The following P2RX5 variants were observed in gnomAD, a reference collection of about 807,000 sequenced individuals.
P2RX5 encodes the protein P2X purinoceptor 5.
Under a neutral mutation model 54.1 loss-of-function variants are expected in P2RX5, and 46 were observed. The observed-to-expected ratio is 0.85, with a 90% CI of 0.67 to 1.09. P2RX5 has a LOEUF of 1.09. Among genes scored for constraint, P2RX5 ranks in the 50% least tolerant of loss-of-function variants. P2RX5 has a pLI of 0.00. For missense variants in P2RX5, 566 were observed against 549.8 expected (o/e 1.03, Z -0.29); for synonymous variants, 226 against 226.4 (o/e 1.00, Z 0.02).
At chr17:3,688,185 G>T in intron 8 of P2RX5, 80 bp from the exon 9 acceptor site, 1 of 769,278 alleles carries the variant, frequency 1.3e-6, no homozygotes. Flanking sequence ...GCTGCTCTGG[G>T]GACTTAGAAG....
At chr17:3,679,059 G>T (rs2050167906) in intron 11 of P2RX5, among the ~76,000 whole-genome samples, 1 of 152,230 alleles carries the variant, frequency 6.6e-6, no homozygotes, top group African/African-American at 2.4e-5. Context: ...AAGAGGGGCT[G>T]AGGGGGGGTC....
chr17:3,712,558 A>G, the P2RX5 span, among the ~76,000 whole-genome samples: 2 of 152,248 alleles, frequency 1.3e-5, no homozygotes, highest in Non-Finnish European at 2.9e-5. Flanking sequence ...GGTAGCCAAA[A>G]GTAGAAATAT....
At chr17:3,689,400 C>A (rs542483612) in intron 7 of P2RX5, 92 bp downstream of exon 7, 1 of 1,473,244 alleles carries the variant, frequency 6.8e-7, no homozygotes, top group East Asian at 2.3e-5. Flanking sequence ...CACCCTCGCC[C>A]CACGAGTCCC....
chr17:3,720,578 A>C, the P2RX5 span: 2 of 436,624 alleles, frequency 4.6e-6, no homozygotes, highest in South Asian at 3.3e-5. Flanking sequence ...GTTATTCTTC[A>C]ACTTCCTTTT....
intron 11 of P2RX5, among the ~76,000 whole-genome samples, chr17:3,678,657 C>A (rs1322355070): frequency 6.6e-6 from 1 of 152,240 alleles, no homozygotes; most frequent in Non-Finnish European, 1.5e-5. Context: ...GCCCAGCTCC[C>A]AGCTGAACGC....
At chr17:3,720,581 T>G in the P2RX5 span, 1 of 407,714 alleles carries the variant, frequency 2.5e-6, no homozygotes, top group African/African-American at 3.1e-5. Context: ...ATTCTTCAAC[T>G]TCCTTTTTTT....
In P2RX5 at chr17:3,682,350, C is replaced by T. The variant is rs181122169; in HGVS notation, c.982-372G>A. The T allele has an allele frequency of 2.7e-3, 972 of 360,100 alleles. 4 individuals are homozygous for T. The highest frequency in any genetic ancestry group is 4.4e-3 in the Non-Finnish European group (822 of 185,010). The allele number at this position is 360,100 out of a possible 1,614,324, so 22.3% of individuals were successfully genotyped here. A position where few individuals can be genotyped will look rare whatever the true frequency, so the allele number is the denominator to read the frequency against. Reference sequence around the variant, plus strand: ...CCTCCTGGGGACTCTCCCTCTGGTGCAGGAGACAGGCGTGTCGATGACGAC... The same window carrying T: ...CCTCCTGGGGACTCTCCCTCTGGTGTAGGAGACAGGCGTGTCGATGACGAC... On this transcript the variant is annotated intron_variant, in intron 9 of 11. Transcript: ENST00000225328.
chr17:3,699,898 G>A (rs1327230936), upstream of P2RX5, among the ~76,000 whole-genome samples: 142 of 32,636 alleles, frequency 4.4e-3, 5 homozygotes, highest in Middle Eastern at 0.021. Flanking sequence ...AGGAAGGAAG[G>A]AAGGAAGGAA....
chr17:3,719,525 T>C, the P2RX5 span, among the ~76,000 whole-genome samples: 1 of 152,162 alleles, frequency 6.6e-6, no homozygotes, highest in Admixed American at 6.6e-5. Flanking sequence ...AAGCATTCAG[T>C]CCACAAATCA....
In P2RX5 at chr17:3,690,065, C is replaced by T. The variant is rs368418642; in HGVS notation, c.614+5G>A. 3.0e-5 allele frequency: 49 copies of T among 1,613,236 alleles called. No individual in the cohort carries two copies. The Middle Eastern group carries it at 5.0e-4, about 16-fold the overall frequency. On this transcript the variant is annotated splice_donor_5th_base_variant and intron_variant, in intron 6 of 11. Transcript: ENST00000225328. Reference sequence around the variant, plus strand: ...CCGTGGCCCCCAGTAGCCAAGCCCACGTACTTGGAGAAGTTGAATTTGGGG... The same window carrying T: ...CCGTGGCCCCCAGTAGCCAAGCCCATGTACTTGGAGAAGTTGAATTTGGGG...
At chr17:3,677,616 G>T in intron 11 of P2RX5, 2 of 985,408 alleles carry the variant, frequency 2.0e-6, no homozygotes, top group South Asian at 9.4e-5. Flanking sequence ...AGGCCAGCTG[G>T]AGTGGCTGGG....
rs1383557744 is a variant in P2RX5, at chr17:3,696,024, C to G, written c.-19G>C. The G allele has an allele frequency of 1.1e-5, 18 of 1,612,626 alleles. No homozygotes were observed. The highest frequency in any genetic ancestry group is 1.4e-5 in the Non-Finnish European group (17 of 1,179,312). On this transcript the variant is annotated 5_prime_UTR_variant, in exon 1 of 12. Coordinates refer to ENST00000225328, the MANE Select transcript of P2RX5 (RefSeq NM_002561.4). ...GCCCCATGGCGCGCTCTCAGCCGGG[C>G]TTGCGGACCGCCCGGCCCACGTGCG...
chr17:3,697,853 C>T (rs1248977558), upstream of P2RX5, among the ~76,000 whole-genome samples: 2 of 152,100 alleles, frequency 1.3e-5, no homozygotes, highest in African/African-American at 4.8e-5. Context: ...ATCCCATTAT[C>T]TCATCTTATT....
chr17:3,709,444 T>C, the P2RX5 span, among the ~76,000 whole-genome samples: 2 of 152,328 alleles, frequency 1.3e-5, no homozygotes, highest in South Asian at 4.1e-4. Flanking sequence ...TTTAGGTGCA[T>C]CCTCCTGAAC....
At chr17:3,675,878 A>G in intron 11 of P2RX5, 4 of 985,396 alleles carry the variant, frequency 4.1e-6, no homozygotes, top group Non-Finnish European at 3.6e-6. Flanking sequence ...ATCAGAGAGC[A>G]GTATAGGCTT....
intron 8 of P2RX5, 130 bp downstream of exon 8, chr17:3,688,495 TG>T: frequency 2.0e-6 from 2 of 992,692 alleles, no homozygotes; most frequent in Non-Finnish European, 3.2e-6. Flanking sequence ...ACACCTCTCC[TG>T]GGCCATCTGT....
At chr17:3,691,571 A>T (rs1016502290) in intron 2 of P2RX5, 73 bp downstream of exon 2, 1 of 1,583,638 alleles carries the variant, frequency 6.3e-7, no homozygotes, top group African/African-American at 1.3e-5. Context: ...GTATCCAAGA[A>T]GCTTCCCGTG....
upstream of P2RX5, chr17:3,696,169 G>A: frequency 5.1e-6 from 3 of 592,674 alleles, no homozygotes; most frequent in Non-Finnish European, 7.3e-6. Context: ...GGGGCGGGTC[G>A]GGGCGGCCTT....
At chr17:3,720,862 C>A in the P2RX5 span, among the ~76,000 whole-genome samples, 404 of 152,238 alleles carry the variant, frequency 2.7e-3, 3 homozygotes, top group African/African-American at 8.8e-3. Context: ...GGATTACAGG[C>A]GTGAGCTGCC....
Sources: allele counts gnomAD v4.1 joint callset (sites outside exome capture counted in the v4.1 genomes callset), GRCh38; gene constraint gnomAD v4.1.1; transcripts MANE v1.5; gene names NCBI Gene and HGNC (gene_info 2026-07-23, HGNC 2026-07-21).